The following PPP6R3 variants were observed in gnomAD, a reference collection of about 807,000 sequenced individuals.
The protein encoded by PPP6R3 is protein phosphatase 6 regulatory subunit 3, also known as serine/threonine-protein phosphatase 6 regulatory subunit 3.
Under a neutral mutation model 110.7 loss-of-function variants are expected in PPP6R3, and 38 were observed. The observed-to-expected ratio is 0.34, with a 90% confidence interval of 0.26 to 0.45. PPP6R3 has a LOEUF of 0.45. Ranked by LOEUF, PPP6R3 falls within the 20% of genes least tolerant of loss-of-function variation. The probability of loss-of-function intolerance (pLI) is 1.00; values close to 1 mark genes in which losing one functional copy is unlikely to be tolerated. For synonymous variants in PPP6R3, 369 were observed against 373.5 expected, an observed-to-expected ratio of 0.99 and a Z score of 0.14; for missense variants, 870 against 1,062.4, an observed-to-expected ratio of 0.82 and a Z score of 2.52.
At chr11:68,472,215 C>T (rs1021074308) in intron 1 of PPP6R3, among the ~76,000 whole-genome samples, 3 of 152,046 alleles carry the variant, frequency 2.0e-5, no homozygotes, top group Non-Finnish European at 2.9e-5. Context: ...GTTGGTGGGA[C>T]GTGGTGGTAA....
At chr11:68,470,080 A>G (rs145428038) in intron 1 of PPP6R3, among the ~76,000 whole-genome samples, 1,978 of 152,262 alleles carry the variant, frequency 0.013, 21 homozygotes, top group Non-Finnish European at 0.021. Context: ...ACACTGTTCT[A>G]CTGCTGGGCA....
At chr11:68,488,803 C>T (rs1190196624) in intron 1 of PPP6R3, 2 of 152,150 alleles carry the variant, frequency 1.3e-5, no homozygotes. Context: ...CACATTGGCT[C>T]AGGCATTCTT....
chr11:68,484,405 A>T (rs2098933372), intron 1 of PPP6R3, among the ~76,000 whole-genome samples: 1 of 151,958 alleles, frequency 6.6e-6, no homozygotes, highest in African/African-American at 2.4e-5. Flanking sequence ...ATTTTAATAG[A>T]TGTGTTGTGC....
chr11:68,546,992 C>G (rs1334180211), intron 4 of PPP6R3, among the ~76,000 whole-genome samples: 2 of 152,172 alleles, frequency 1.3e-5, no homozygotes, highest in African/African-American at 4.8e-5. Flanking sequence ...AGTTTTATAT[C>G]ATAATGCTTG....
At chr11:68,529,230 G>T (rs533058135) in intron 2 of PPP6R3, among the ~76,000 whole-genome samples, 1 of 152,226 alleles carries the variant, frequency 6.6e-6, no homozygotes, top group African/African-American at 2.4e-5. Context: ...GTGTGTGTGT[G>T]TTTTTCCAGA....
chr11:68,551,767 G>A (rs758165430), intron 6 of PPP6R3, among the ~76,000 whole-genome samples: 11 of 152,150 alleles, frequency 7.2e-5, no homozygotes, highest in Non-Finnish European at 1.6e-4. Context: ...GATTACAGCC[G>A]TGAGCCACTG....
chr11:68,609,047 C>T (rs1941950137), intron 22 of PPP6R3, among the ~76,000 whole-genome samples: 1 of 152,192 alleles, frequency 6.6e-6, no homozygotes, highest in Admixed American at 6.5e-5. Flanking sequence ...AGGACAGAAT[C>T]AGCTCTGAGT....
chr11:68,614,099 G>GAATT lies in PPP6R3; in HGVS notation c.*984_*987dup, dbSNP rs1271934572. Reference sequence around the variant, plus strand: ...GTTGAAAATGCTCGTGCTGCTAATGGAATTAGAGTGCGTTCATTTTACAGG... The same window carrying GAATT: ...GTTGAAAATGCTCGTGCTGCTAATGGAATTAATTAGAGTGCGTTCATTTTACAGG... On this transcript the variant is annotated 3_prime_UTR_variant, in exon 24 of 24. Transcript: ENST00000393800. 2 of 986,014 alleles carry GAATT rather than the reference G, an allele frequency of 2.0e-6. No individual in the cohort carries two copies. The highest frequency in any genetic ancestry group is 1.7e-5 in the African/African-American group (1 of 57,316). The allele number at this position is 986,014 out of a possible 1,614,324, so 61.1% of individuals were successfully genotyped here.
In PPP6R3 at chr11:68,548,211, A is replaced by C; in HGVS notation, c.552+7A>C. ...CAGGCAAGATGTGCTGAATGTGAGT[A>C]GAATTCTGACCTGCTGTTGACTGGG... On this transcript the variant is annotated splice_region_variant and intron_variant, in intron 5 of 23. Transcript: ENST00000393800. 3 of 1,613,800 alleles carry C rather than the reference A, an allele frequency of 1.9e-6. No individual in the cohort carries two copies. Among genetic ancestry groups the C allele is most frequent in the Non-Finnish European group, 2.5e-6 (3 of 1,179,866 alleles).
intron 1 of PPP6R3, among the ~76,000 whole-genome samples, chr11:68,464,273 A>G (rs1364058161): frequency 6.6e-6 from 1 of 151,948 alleles, no homozygotes; most frequent in Non-Finnish European, 1.5e-5. Context: ...CGGGGATTAC[A>G]GGCACCCGCC....
chr11:68,499,490 C>G (rs138804182), intron 1 of PPP6R3, among the ~76,000 whole-genome samples: 1 of 152,118 alleles, frequency 6.6e-6, no homozygotes, highest in East Asian at 1.9e-4. Context: ...TAAGTGGAAG[C>G]TATCATTTTT....
chr11:68,540,642 CTG>C (rs752046316), intron 3 of PPP6R3, among the ~76,000 whole-genome samples: 1 of 152,136 alleles, frequency 6.6e-6, no homozygotes, highest in Non-Finnish European at 1.5e-5. Context: ...TTATGGGAGA[CTG>C]GAGTCTGTCT....
At chr11:68,500,954 G>A (rs756150428) in intron 1 of PPP6R3, among the ~76,000 whole-genome samples, 2 of 152,188 alleles carry the variant, frequency 1.3e-5, no homozygotes, top group Non-Finnish European at 2.9e-5. Flanking sequence ...CACTTCCGCC[G>A]CCTTCCTTTT....
intron 3 of PPP6R3, 104 bp from the exon 4 acceptor site, chr11:68,544,734 T>G: frequency 1.3e-6 from 1 of 759,912 alleles, no homozygotes; most frequent in Non-Finnish European, 2.0e-6. Flanking sequence ...AGTAAACGAT[T>G]TTATTTTTTT....
intron 1 of PPP6R3, among the ~76,000 whole-genome samples, chr11:68,465,278 C>T (rs1383593723): frequency 1.3e-5 from 2 of 152,334 alleles, no homozygotes; most frequent in Middle Eastern, 3.4e-3. Context: ...GATAGGCATA[C>T]AGTATGCTCA....
chr11:68,579,954 G>A (rs1215028750), intron 14 of PPP6R3, among the ~76,000 whole-genome samples: 4 of 152,188 alleles, frequency 2.6e-5, no homozygotes, highest in Non-Finnish European at 4.4e-5. Flanking sequence ...TTGTCACAAT[G>A]TATCCTTGTC....
intron 2 of PPP6R3, among the ~76,000 whole-genome samples, chr11:68,530,966 C>T (rs972464700): frequency 6.6e-6 from 1 of 152,092 alleles, no homozygotes; most frequent in African/African-American, 2.4e-5. Flanking sequence ...TTTCTTTCTT[C>T]AGGGTTCTAA....
intron 1 of PPP6R3, among the ~76,000 whole-genome samples, chr11:68,489,552 T>TGTGTGTGTGTGTGTGTGTGTGTGTGTG (rs1491233294): frequency 6.9e-6 from 1 of 144,950 alleles, no homozygotes; most frequent in South Asian, 2.2e-4. Flanking sequence ...TACTGTGTGT[T>TGTGTGTGTGTGTGTGTGTGTGTGTGTG]TGTGTGTGTG....
intron 1 of PPP6R3, among the ~76,000 whole-genome samples, chr11:68,470,125 G>A (rs950329370): frequency 6.6e-6 from 1 of 152,130 alleles, no homozygotes; most frequent in East Asian, 1.9e-4. Context: ...AAAAGTCCTT[G>A]TTTTCATGGA....
Sources: allele counts gnomAD v4.1 joint callset (sites outside exome capture counted in the v4.1 genomes callset), GRCh38; gene constraint gnomAD v4.1.1; transcripts MANE v1.5; gene names NCBI Gene and HGNC (gene_info 2026-07-23, HGNC 2026-07-21).